The following DYRK1A variants were observed in gnomAD, a reference collection of about 807,000 sequenced individuals.
DYRK1A encodes dual specificity tyrosine phosphorylation regulated kinase 1A.
Under a neutral mutation model 79.7 loss-of-function variants are expected in DYRK1A, and 9 were observed. The ratio of observed to expected loss-of-function variants is 0.11; its 90% CI spans 0.07 to 0.20. DYRK1A has a LOEUF of 0.20. Ranked by LOEUF, DYRK1A falls within the 10% of genes least tolerant of loss-of-function variation. The pLI is 1.00. For missense variants in DYRK1A, 622 were observed against 956.0 expected (o/e 0.65, Z 4.61); for synonymous variants, 349 against 329.7 (o/e 1.06, Z -0.63).
chr21:37,421,530 A>G (rs1009437958), intron 2 of DYRK1A, among the ~76,000 whole-genome samples: 1 of 152,154 alleles, frequency 6.6e-6, no homozygotes, highest in Non-Finnish European at 1.5e-5. Flanking sequence ...TTGAGCAATC[A>G]TCTCTGTTAC....
chr21:37,391,725 C>T (rs958325316), intron 1 of DYRK1A, among the ~76,000 whole-genome samples: 1 of 152,192 alleles, frequency 6.6e-6, no homozygotes, highest in African/African-American at 2.4e-5. Flanking sequence ...GATAACCTAG[C>T]CCTAGTTTAT....
At chr21:37,483,685 T>C (rs2052742459) in intron 5 of DYRK1A, among the ~76,000 whole-genome samples, 1 of 152,016 alleles carries the variant, frequency 6.6e-6, no homozygotes, top group South Asian at 2.1e-4. Flanking sequence ...TGGGTTCAAG[T>C]GATCCTCCCA....
At chr21:37,457,357 C>T (rs1455625674) in intron 2 of DYRK1A, among the ~76,000 whole-genome samples, 2 of 152,150 alleles carry the variant, frequency 1.3e-5, no homozygotes, top group African/African-American at 2.4e-5. Context: ...CTCAGCCTCC[C>T]TAGCTGAGAC....
At position 37,479,619 on chromosome 21, in the gene DYRK1A, G is replaced by GTTTTTGTTTTT. The variant is rs2052550822; in HGVS notation, c.301-1014_301-1013insGTTTTTTTTTT. On this transcript the variant is annotated intron_variant, in intron 4 of 11. Transcript: ENST00000647188. ...GTTTTTGTTTTTGTTTTTGTTTTTT[G>GTTTTTGTTTTT]TTTTTTTTTTTTTTTTTGGAGACAG... 2.1e-3 allele frequency among the ~76,000 whole-genome samples: 152 copies of GTTTTTGTTTTT among 73,864 alleles called. 4 individuals are homozygous for GTTTTTGTTTTT. Among genetic ancestry groups the GTTTTTGTTTTT allele is most frequent in the African/African-American group, 2.7e-3 (51 of 19,130 alleles). 48.5% of individuals were successfully genotyped at this position (73,864 alleles called of 152,430 possible).
intron 2 of DYRK1A, among the ~76,000 whole-genome samples, chr21:37,439,261 G>A (rs2148472262): frequency 6.6e-6 from 1 of 152,206 alleles, no homozygotes; most frequent in East Asian, 1.9e-4. Flanking sequence ...TTTCCAGTTT[G>A]GTTACCTTGT....
intron 2 of DYRK1A, among the ~76,000 whole-genome samples, chr21:37,458,905 A>T (rs1437654942): frequency 6.6e-6 from 1 of 152,028 alleles, no homozygotes; most frequent in Non-Finnish European, 1.5e-5. Context: ...ACCTGGGAGG[A>T]AGGAAGAGAA....
chr21:37,480,868 A>AAAAAG, intron 5 of DYRK1A, 42 bp downstream of exon 5: 1 of 1,491,572 alleles, frequency 6.7e-7, no homozygotes, highest in South Asian at 1.3e-5. Flanking sequence ...GTTAGAAAGA[A>AAAAAG]CTTCTTAGTG....
intron 2 of DYRK1A, among the ~76,000 whole-genome samples, chr21:37,463,847 C>T (rs2051934748): frequency 6.6e-6 from 1 of 152,326 alleles, no homozygotes; most frequent in South Asian, 2.1e-4. Context: ...CTCCTCATTT[C>T]TTAGTGGATT....
At chr21:37,466,603 G>A (rs553421836) in intron 2 of DYRK1A, among the ~76,000 whole-genome samples, 1 of 152,202 alleles carries the variant, frequency 6.6e-6, no homozygotes, top group South Asian at 2.1e-4. Flanking sequence ...ATGCAGAGAA[G>A]GCTTGGTGTA....
rs898154006 is a variant in DYRK1A at position 37,394,406 on chromosome 21, T to C, written c.-76-25893T>C. Among the ~76,000 whole-genome samples the C allele has an allele frequency of 2.6e-5, 4 of 152,180 alleles. No individual in the cohort carries two copies. The East Asian group carries it at 7.7e-4, about 29-fold the overall frequency. ...TTCAAATTCAGTTGAACTGTACTCA[T>C]CTTGATACGGATCATAAATACAGAT... On this transcript the variant is annotated intron_variant, in intron 1 of 11. Transcript: ENST00000647188.
intron 5 of DYRK1A, among the ~76,000 whole-genome samples, chr21:37,482,430 GT>G (rs2052682489): frequency 6.6e-6 from 1 of 152,150 alleles, no homozygotes; most frequent in Non-Finnish European, 1.5e-5. Context: ...AAACCAGCAA[GT>G]TTTTATTAGG....
At chr21:37,395,182 C>G (rs961601266) in intron 1 of DYRK1A, among the ~76,000 whole-genome samples, 2 of 152,188 alleles carry the variant, frequency 1.3e-5, no homozygotes, top group African/African-American at 4.8e-5. Flanking sequence ...GCTCATGGGC[C>G]AGATACATTG....
chr21:37,376,751 T>C (rs2049550052), intron 1 of DYRK1A, among the ~76,000 whole-genome samples: 1 of 152,160 alleles, frequency 6.6e-6, no homozygotes, highest in African/African-American at 2.4e-5. Context: ...AGCAGTGTTA[T>C]CAAACATATA....
intron 1 of DYRK1A, among the ~76,000 whole-genome samples, chr21:37,377,020 G>GGTGT (rs149451808): frequency 2.6e-5 from 4 of 151,878 alleles, no homozygotes; most frequent in African/African-American, 9.7e-5. Context: ...TGCATAGACA[G>GGTGT]GTGTGTGTGT....
chr21:37,445,811 A>G (rs965848154), intron 2 of DYRK1A, among the ~76,000 whole-genome samples: 3 of 152,086 alleles, frequency 2.0e-5, no homozygotes, highest in African/African-American at 4.8e-5. Context: ...AAAAGTTGGG[A>G]ATTTTAGCAC....
intron 2 of DYRK1A, among the ~76,000 whole-genome samples, chr21:37,426,754 C>CA (rs34975084): frequency 0.024 from 3,028 of 126,914 alleles, 48 homozygotes; most frequent in East Asian, 0.047. Context: ...ACTAAAAATA[C>CA]AAAAAAAAAA....
intron 2 of DYRK1A, among the ~76,000 whole-genome samples, chr21:37,428,675 A>G (rs2050693131): frequency 6.6e-6 from 1 of 152,112 alleles, no homozygotes; most frequent in South Asian, 2.1e-4. Flanking sequence ...TTGTATTTTT[A>G]GAAAATTATA....
At chr21:37,452,750 C>T (rs1411445714) in intron 2 of DYRK1A, among the ~76,000 whole-genome samples, 3 of 136,030 alleles carry the variant, frequency 2.2e-5, no homozygotes, top group Admixed American at 8.0e-5. Context: ...TCTGATCTCA[C>T]ACTCCCGTTT....
intron 2 of DYRK1A, among the ~76,000 whole-genome samples, chr21:37,466,009 CT>C (rs1190245002): frequency 1.3e-5 from 2 of 152,190 alleles, no homozygotes; most frequent in Admixed American, 6.5e-5. Flanking sequence ...TCAGTAAGTG[CT>C]TGTTGAATTT....
Sources: gnomAD v4.1 joint callset for allele counts (sites outside exome capture counted in the v4.1 genomes callset) on GRCh38, gnomAD v4.1.1 for gene constraint, MANE v1.5 for transcripts, NCBI Gene and HGNC (gene_info 2026-07-23, HGNC 2026-07-21) for gene names.